ABLIM1: variants seen among roughly 807,000 people sequenced by gnomAD.
ABLIM1 encodes actin-binding LIM protein 1.
A neutral mutation model predicts 107.0 loss-of-function variants in ABLIM1; 40 were observed. The ratio of observed to expected loss-of-function variants is 0.37; its 90% CI spans 0.29 to 0.49. The LOEUF (loss-of-function observed/expected upper bound fraction) is 0.49, where lower values mean the gene tolerates loss of function less well. Among genes scored for constraint, ABLIM1 ranks in the 20% least tolerant of loss-of-function variants. The pLI is 0.97. For missense variants in ABLIM1, 857 were observed against 1,008.5 expected (o/e 0.85, Z 2.04); for synonymous variants, 357 against 357.3 (o/e 1.00, Z 0.01).
chr10:114,780,225 G>A, the ABLIM1 span, among the ~76,000 whole-genome samples: 1 of 152,140 alleles, frequency 6.6e-6, no homozygotes, highest in Non-Finnish European at 1.5e-5. Context: ...GCATACAGTG[G>A]GATTCCTGAA....
chr10:114,699,104 CAA>C (rs11344931), intron 1 of ABLIM1, among the ~76,000 whole-genome samples: 1,736 of 115,188 alleles, frequency 0.015, 13 homozygotes, highest in African/African-American at 0.045. Context: ...TTTTGCTTAG[CAA>C]AAAAAAAAAA....
chr10:114,578,088 A>G (rs1284651465), intron 2 of ABLIM1, among the ~76,000 whole-genome samples: 2 of 151,952 alleles, frequency 1.3e-5, no homozygotes, highest in Non-Finnish European at 2.9e-5. Context: ...TCCTCCCTCT[A>G]TGATGTAAGG....
chr10:114,549,144 G>T (rs1331057863), intron 4 of ABLIM1, among the ~76,000 whole-genome samples: 1 of 152,198 alleles, frequency 6.6e-6, no homozygotes, highest in Non-Finnish European at 1.5e-5. Flanking sequence ...CAGAACTTTG[G>T]GAGGCCGAGG....
At chr10:114,724,083 C>G (rs1461106852) in intron 1 of ABLIM1, among the ~76,000 whole-genome samples, 2 of 152,130 alleles carry the variant, frequency 1.3e-5, no homozygotes, top group African/African-American at 2.4e-5. Flanking sequence ...GTGATTGCCT[C>G]TACTCCAAAA....
At chr10:114,767,956 T>G (rs1347937633) in intron 1 of ABLIM1, 4 of 357,136 alleles carry the variant, frequency 1.1e-5, no homozygotes, top group African/African-American at 6.8e-5. Flanking sequence ...CTGCCAAAGT[T>G]TCAGGCCGGG....
chr10:114,481,262 G>A (rs2057324074), intron 8 of ABLIM1, among the ~76,000 whole-genome samples: 1 of 151,938 alleles, frequency 6.6e-6, no homozygotes, highest in East Asian at 1.9e-4. Context: ...ACAGTGCTGG[G>A]AAGCACTTTG....
intron 4 of ABLIM1, among the ~76,000 whole-genome samples, chr10:114,552,887 T>C (rs967088433): frequency 2.0e-5 from 3 of 152,184 alleles, no homozygotes; most frequent in African/African-American, 7.2e-5. Context: ...CCTTTTTCCT[T>C]GGTTAGGAGC....
At chr10:114,506,590 T>C (rs1239645182) in intron 6 of ABLIM1, among the ~76,000 whole-genome samples, 1 of 152,236 alleles carries the variant, frequency 6.6e-6, no homozygotes, top group African/African-American at 2.4e-5. Context: ...TGGTTTCCAT[T>C]TGCATTTCTC....
intron 1 of ABLIM1, among the ~76,000 whole-genome samples, chr10:114,671,699 A>C (rs577024266): frequency 2.6e-5 from 4 of 152,352 alleles, no homozygotes; most frequent in African/African-American, 7.2e-5. Flanking sequence ...TTTTATTGAA[A>C]TGGTGTCTCA....
rs1412466191 is a variant in ABLIM1 at position 114,691,472 on chromosome 10, C to T, written c.-213+76589G>A. On this transcript the variant is annotated intron_variant, in intron 1 of 15. Coordinates refer to the ABLIM1 transcript ENST00000651092. ...CCCTTTTATCCATTTCGTTCTGCCTCTCACTCCCTCCCAGTCTGCTATGTT... is the reference window on the plus strand; with the variant it reads ...CCCTTTTATCCATTTCGTTCTGCCTTTCACTCCCTCCCAGTCTGCTATGTT... 2.6e-5 allele frequency among the ~76,000 whole-genome samples: 4 copies of T among 152,178 alleles called. No individual in the cohort carries two copies. In the East Asian group the frequency reaches 5.8e-4, roughly 22 times the overall value.
At chr10:114,588,691 G>C (rs1027461157) in intron 2 of ABLIM1, among the ~76,000 whole-genome samples, 1 of 151,604 alleles carries the variant, frequency 6.6e-6, no homozygotes, top group African/African-American at 2.4e-5. Context: ...GAGATGTAGA[G>C]ATGGGGTTTC....
intron 2 of ABLIM1, among the ~76,000 whole-genome samples, chr10:114,578,257 C>T (rs1003767745): frequency 7.9e-5 from 12 of 152,226 alleles, no homozygotes; most frequent in African/African-American, 2.9e-4. Context: ...ATGCCTCTCT[C>T]AAACCCAGCA....
intron 1 of ABLIM1, among the ~76,000 whole-genome samples, chr10:114,710,764 G>A (rs2081531651): frequency 6.6e-6 from 1 of 152,204 alleles, no homozygotes; most frequent in East Asian, 1.9e-4. Flanking sequence ...CTGGGCGACA[G>A]AGCCCACTGT....
At chr10:114,644,306 AATATATATAT>A in intron 1 of ABLIM1, among the ~76,000 whole-genome samples, 1 of 52,256 alleles carries the variant, frequency 1.9e-5, no homozygotes, top group African/African-American at 9.2e-5. Context: ...AAAAAAAAAA[AATATATATAT>A]ATATATATAT....
At chr10:114,634,150 T>TTTTTTTTTTTTTTG in intron 1 of ABLIM1, among the ~76,000 whole-genome samples, 1 of 127,396 alleles carries the variant, frequency 7.8e-6, no homozygotes, top group East Asian at 2.5e-4. Flanking sequence ...TTTTTTTTTT[T>TTTTTTTTTTTTTTG]GAGACGGAGT....
chr10:114,482,564 A>G lies in ABLIM1; in HGVS notation c.1041+5394T>C, dbSNP rs115204820. Among the ~76,000 whole-genome samples, 564 of 152,328 alleles carry G rather than the reference A, an allele frequency of 3.7e-3. 4 individuals carry two copies. Among genetic ancestry groups the G allele is most frequent in the African/African-American group, 0.012 (510 of 41,568 alleles). Reference sequence around the variant, plus strand: ...TGGAGTTTTCTGGAATCTTAAAGGTACTGGTGAGCCATTCTTCAATCGCCA... The same window carrying G: ...TGGAGTTTTCTGGAATCTTAAAGGTGCTGGTGAGCCATTCTTCAATCGCCA... On this transcript the variant is annotated intron_variant, in intron 8 of 22. Transcript: ENST00000533213.
intron 1 of ABLIM1, among the ~76,000 whole-genome samples, chr10:114,718,614 C>T (rs1020027863): frequency 2.0e-5 from 3 of 152,128 alleles, no homozygotes; most frequent in African/African-American, 4.8e-5. Context: ...GAAGGTCTTC[C>T]GGGGGGAATC....
chr10:114,684,478 A>G lies in ABLIM1; in HGVS notation c.-125T>C, dbSNP rs1371386402. On this transcript the variant is annotated 5_prime_UTR_variant, in exon 1 of 24. Transcript: ENST00000369256. The stretch of plus-strand genomic sequence containing the variant: ...CCCAGGAGTCTGTGGGCTGAACTGG[A>G]CCCGAGGGAGGGGTGTGCCACCGGT... 43 of 1,467,170 alleles carry G rather than the reference A, an allele frequency of 2.9e-5. No individual in the cohort carries two copies. The East Asian group carries it at 1.0e-3, about 34-fold the overall frequency. The allele number at this position is 1,467,170 out of a possible 1,614,324, so 90.9% of individuals were successfully genotyped here.
intron 1 of ABLIM1, among the ~76,000 whole-genome samples, chr10:114,722,738 T>C (rs75371858): frequency 0.04 from 6,083 of 152,344 alleles, 179 homozygotes; most frequent in African/African-American, 0.064. Flanking sequence ...TAATGCTTTG[T>C]CCTTGCCTGG....
Sources: gnomAD v4.1 joint callset for allele counts (sites outside exome capture counted in the v4.1 genomes callset) on GRCh38, gnomAD v4.1.1 for gene constraint, MANE v1.5 for transcripts, NCBI Gene and HGNC (gene_info 2026-07-23, HGNC 2026-07-21) for gene names.